Variants in FGD4 observed in about 807,000 individuals in gnomAD.
FGD4 encodes the protein FYVE, RhoGEF and PH domain-containing protein 4.
FGD4 carries 42 observed loss-of-function variants against 102.0 expected under a neutral mutation model. The observed-to-expected ratio is 0.41, with a 90% CI of 0.32 to 0.53. FGD4 has a LOEUF of 0.53. Among genes scored for constraint, FGD4 ranks in the 20% least tolerant of loss-of-function variants. FGD4 has a pLI of 0.21. For missense variants in FGD4, 902 were observed against 1,078.2 expected (o/e 0.84, Z 2.29); for synonymous variants, 380 against 375.7 (o/e 1.01, Z -0.13).
In FGD4 at chr12:32,441,656, A is replaced by G. The variant is rs186857450; in HGVS notation, c.166+41697A>G. On this transcript the variant is annotated intron_variant, in intron 1 of 16. Transcript: ENST00000534526. ...GTAATGCCAGCACTCCCTTGGCTGC[A>G]CTAGTTTGTATCTTAGTATGTTGCT... Among the ~76,000 whole-genome samples the G allele has an allele frequency of 7.0e-4, 106 of 152,124 alleles. 1 individual carries two copies. The highest frequency in any genetic ancestry group is 2.2e-3 in the Admixed American group (34 of 15,290).
At chr12:32,562,266 T>C (rs1194586277) in intron 1 of FGD4, among the ~76,000 whole-genome samples, 1 of 152,184 alleles carries the variant, frequency 6.6e-6, no homozygotes, top group African/African-American at 2.4e-5. Flanking sequence ...TCTGTCAACA[T>C]CCATTATAAG....
At chr12:32,534,534 T>C (rs533223659) in intron 1 of FGD4, 6 of 1,384,174 alleles carry the variant, frequency 4.3e-6, no homozygotes, top group Admixed American at 5.4e-5. Context: ...TATATTTTTT[T>C]CTTCCCCAGC....
At chr12:32,417,102 G>T (rs143267773) in intron 1 of FGD4, among the ~76,000 whole-genome samples, 77 of 152,056 alleles carry the variant, frequency 5.1e-4, no homozygotes, top group African/African-American at 1.7e-3. Flanking sequence ...CATCATGTTG[G>T]TCAGGCTGGT....
intron 1 of FGD4, among the ~76,000 whole-genome samples, chr12:32,438,457 T>C (rs968874138): frequency 6.6e-6 from 1 of 152,130 alleles, no homozygotes; most frequent in African/African-American, 2.4e-5. Flanking sequence ...TAAGCTTGCT[T>C]TTAGGTTTCA....
chr12:32,522,576 T>G (rs1168521786), intron 1 of FGD4, among the ~76,000 whole-genome samples: 1 of 152,214 alleles, frequency 6.6e-6, no homozygotes, highest in East Asian at 1.9e-4. Flanking sequence ...GGGGCAGAAC[T>G]AACGTTTTAT....
intron 1 of FGD4, among the ~76,000 whole-genome samples, chr12:32,417,724 A>C (rs1941473923): frequency 6.6e-6 from 1 of 151,908 alleles, no homozygotes; most frequent in Non-Finnish European, 1.5e-5. Flanking sequence ...CTGTTCTGCT[A>C]ATAAGAGACT....
At chr12:32,507,566 G>A (rs10743797) in intron 1 of FGD4, among the ~76,000 whole-genome samples, 20 of 151,982 alleles carry the variant, frequency 1.3e-4, no homozygotes, top group Non-Finnish European at 2.5e-4. Flanking sequence ...GCATGTTATC[G>A]TTACTTCTCT....
chr12:32,517,528 A>G lies in FGD4; in HGVS notation c.167-46609A>G, dbSNP rs140137524. ...TTAGTTTAATGAAATTTTCAGTATC[A>G]TAGTTGATGTCCCAGAATCAAACTA... On this transcript the variant is annotated intron_variant, in intron 1 of 16. Transcript: ENST00000534526. 5.4e-3 allele frequency among the ~76,000 whole-genome samples: 816 copies of G among 152,336 alleles called. 3 individuals are homozygous for G. The highest frequency in any genetic ancestry group is 8.6e-3 in the Non-Finnish European group (585 of 68,026).
At chr12:32,415,535 G>C (rs1677299793) in intron 1 of FGD4, among the ~76,000 whole-genome samples, 1 of 147,066 alleles carries the variant, frequency 6.8e-6, no homozygotes, top group African/African-American at 2.5e-5. Context: ...CCATTCTCCT[G>C]CCTCAGCCTC....
At chr12:32,636,912 C>G (rs1950862393) in intron 15 of FGD4, among the ~76,000 whole-genome samples, 1 of 150,078 alleles carries the variant, frequency 6.7e-6, no homozygotes, top group South Asian at 2.1e-4. Flanking sequence ...GCTCTGTCAC[C>G]CAGGCTGGAG....
intron 1 of FGD4, among the ~76,000 whole-genome samples, chr12:32,455,602 G>A (rs1942926457): frequency 1.3e-5 from 2 of 152,178 alleles, no homozygotes; most frequent in African/African-American, 4.8e-5. Flanking sequence ...TAATAAGCAG[G>A]ACATGTTCTG....
intron 1 of FGD4, among the ~76,000 whole-genome samples, chr12:32,425,824 C>A (rs1272837975): frequency 1.3e-5 from 2 of 152,102 alleles, no homozygotes; most frequent in African/African-American, 2.4e-5. Flanking sequence ...GTATTTTATT[C>A]TCTTTAGCAG....
At chr12:32,498,193 A>G (rs1278299120) in intron 1 of FGD4, among the ~76,000 whole-genome samples, 1 of 152,252 alleles carries the variant, frequency 6.6e-6, no homozygotes, top group Admixed American at 6.5e-5. Context: ...TTTGGGTATC[A>G]CTGCCAACTC....
chr12:32,535,129 T>A (rs927803178), intron 1 of FGD4, among the ~76,000 whole-genome samples: 1 of 152,216 alleles, frequency 6.6e-6, no homozygotes, highest in Non-Finnish European at 1.5e-5. Flanking sequence ...GAAATGTAAT[T>A]CAACTGTGTG....
In FGD4 at chr12:32,640,447, G is replaced by A. The variant is rs1411372303; in HGVS notation, c.2626G>A (p.Val876Ile). 1.2e-6 allele frequency: 2 copies of A among 1,614,168 alleles called. No individual in the cohort carries two copies. The highest frequency in any genetic ancestry group is 1.7e-6 in the Non-Finnish European group (2 of 1,180,032). ...GTGGCTGAAAGTCATCCTTTTAGCT[G>A]TCACAGGTGAGACACCAGGTGGTCC... The part of the protein sequence containing the change: ...QKWLKVILLA[V>I]TGETPGGPNE... The change falls in exon 17 of 17, where the codon GTC becomes ATC. Residue 876 changes from valine (V) to isoleucine (I), a missense_variant. Transcript: ENST00000534526.
At position 32,534,631 on chromosome 12, in the gene FGD4, T is replaced by C. The variant is rs113712037; in HGVS notation, c.167-29506T>C. ...TTAAAGTTAATAAAGCTCACATTGG[T>C]TTTCAAGTTCAAGATTAAAATATGT... is the stretch of plus-strand genomic sequence containing the variant. On this transcript the variant is annotated intron_variant, in intron 1 of 16. Coordinates refer to ENST00000534526, the MANE Select transcript of FGD4 (RefSeq NM_001370298.3). 3.0e-5 allele frequency: 16 copies of C among 525,504 alleles called. 1 individual carries two copies. Among genetic ancestry groups the C allele is most frequent in the African/African-American group, 9.7e-5 (5 of 51,442 alleles). The allele number at this position is 525,504 out of a possible 1,614,324, so 32.6% of individuals were successfully genotyped here.
At chr12:32,434,226 C>A (rs191181776) in intron 1 of FGD4, among the ~76,000 whole-genome samples, 1 of 152,152 alleles carries the variant, frequency 6.6e-6, no homozygotes, top group African/African-American at 2.4e-5. Flanking sequence ...CCTCACAGAC[C>A]CTGTCTGTTC....
intron 1 of FGD4, among the ~76,000 whole-genome samples, chr12:32,520,781 A>G (rs745400038): frequency 4.6e-5 from 7 of 152,076 alleles, no homozygotes; most frequent in Non-Finnish European, 8.8e-5. Flanking sequence ...GAATGCTTGT[A>G]TCTAACTCTT....
chr12:32,403,902 C>G (rs1940807766), intron 1 of FGD4, among the ~76,000 whole-genome samples: 1 of 151,982 alleles, frequency 6.6e-6, no homozygotes, highest in Non-Finnish European at 1.5e-5. Flanking sequence ...GCCCAATGCT[C>G]CCTTTTATGG....
Sources: gnomAD v4.1 joint callset for allele counts (sites outside exome capture counted in the v4.1 genomes callset) on GRCh38, gnomAD v4.1.1 for gene constraint, MANE v1.5 for transcripts, NCBI Gene and HGNC (gene_info 2026-07-23, HGNC 2026-07-21) for gene names.